Variants in IGSF9B observed in about 807,000 individuals in gnomAD.
IGSF9B encodes the protein immunoglobulin superfamily member 9B, also known as protein turtle homolog B.
In IGSF9B, 48 loss-of-function variants were observed where a neutral mutation model predicts 143.7. That is an observed-to-expected ratio of 0.33 (90% confidence interval 0.26 to 0.42). IGSF9B has a LOEUF of 0.42. IGSF9B is among the 20% of genes least tolerant of loss of function. The pLI is 1.00. For missense variants in IGSF9B, 1,706 were observed against 1,980.0 expected (o/e 0.86, Z 2.63); for synonymous variants, 903 against 833.1 (o/e 1.08, Z -1.44).
At chr11:133,918,046 C>T (rs1161513331) in intron 18 of IGSF9B, among the ~76,000 whole-genome samples, 2 of 16,050 alleles carry the variant, frequency 1.2e-4, no homozygotes, top group Non-Finnish European at 2.4e-4. Context: ...GACATGGGGA[C>T]GGGGGGTGGG....
At chr11:133,933,103 T>TA in intron 7 of IGSF9B, among the ~76,000 whole-genome samples, 2 of 152,222 alleles carry the variant, frequency 1.3e-5, no homozygotes, top group East Asian at 3.9e-4. Context: ...GCTCAGAACT[T>TA]CTGTTCTGAG....
At chr11:133,937,684 C>G in intron 4 of IGSF9B, 126 bp downstream of exon 4, 1 of 1,258,662 alleles carries the variant, frequency 7.9e-7, no homozygotes, top group Non-Finnish European at 1.1e-6. Flanking sequence ...GCAGCTGAGC[C>G]AGGCTACGGC....
At position 133,898,173 on chromosome 11, in the gene IGSF9B, T is replaced by C. The variant is rs1355979126; in HGVS notation, c.*10896A>G. On this transcript the variant is annotated 3_prime_UTR_variant, in exon 20 of 20. Coordinates refer to ENST00000533871, the MANE Select transcript of IGSF9B (RefSeq NM_001277285.4). ...ACGGTCTTCACAGGAAGACCTGGCA[T>C]GGATCGGGGGTCGCCCCCAAAGAAA... 6.6e-6 allele frequency: 1 copy of C among 152,192 alleles called. No individual in the cohort carries two copies. The highest frequency in any genetic ancestry group is 1.5e-5 in the Non-Finnish European group (1 of 68,040). The allele number at this position is 152,192 out of a possible 1,614,324, so 9.4% of individuals were successfully genotyped here.
chr11:133,942,681 C>T (rs1939973300), intron 3 of IGSF9B, among the ~76,000 whole-genome samples: 2 of 152,224 alleles, frequency 1.3e-5, no homozygotes, highest in African/African-American at 4.8e-5. Flanking sequence ...GCCTGGTGTT[C>T]ATCAAGGCGA....
intron 18 of IGSF9B, among the ~76,000 whole-genome samples, chr11:133,919,486 C>T (rs1042753757): frequency 6.6e-6 from 1 of 152,228 alleles, no homozygotes; most frequent in Non-Finnish European, 1.5e-5. Context: ...GGTGGTGCGC[C>T]CGCCGAGAGC....
chr11:133,952,483 G>A (rs771451775), intron 1 of IGSF9B, among the ~76,000 whole-genome samples: 1 of 152,112 alleles, frequency 6.6e-6, no homozygotes, highest in Non-Finnish European at 1.5e-5. Context: ...GAGAGGAGTG[G>A]CCCCCACCTC....
chr11:133,941,238 T>C (rs1214547607), intron 3 of IGSF9B, among the ~76,000 whole-genome samples: 1 of 152,216 alleles, frequency 6.6e-6, no homozygotes, highest in Non-Finnish European at 1.5e-5. Flanking sequence ...CTGTAATTAA[T>C]AGTGCAGGTT....
rs117256606 is a variant in IGSF9B, at chr11:133,902,448, G to C, written c.*6621C>G. Among the ~76,000 whole-genome samples the C allele has an allele frequency of 1.0e-4, 13 of 127,538 alleles. No individual in the cohort carries two copies. Among genetic ancestry groups the C allele is most frequent in the Non-Finnish European group, 1.5e-4 (9 of 61,336 alleles). 83.7% of individuals were successfully genotyped at this position (127,538 alleles called of 152,430 possible). On this transcript the variant is annotated 3_prime_UTR_variant, in exon 20 of 20. Coordinates refer to ENST00000533871, the MANE Select transcript of IGSF9B (RefSeq NM_001277285.4). The stretch of plus-strand genomic sequence containing the variant: ...CACACCACACCACACACACCACCCA[G>C]ACACACCACACACAGATACACACAC...
At chr11:133,919,271 T>C (rs1474565508) in intron 18 of IGSF9B, among the ~76,000 whole-genome samples, 1 of 151,834 alleles carries the variant, frequency 6.6e-6, no homozygotes, top group Non-Finnish European at 1.5e-5. Context: ...CCTGGCCTGG[T>C]GGTCTGGAGA....
chr11:133,918,148 C>T (rs1036145560), intron 18 of IGSF9B, among the ~76,000 whole-genome samples: 1 of 151,850 alleles, frequency 6.6e-6, no homozygotes, highest in Non-Finnish European at 1.5e-5. Context: ...GGCCACCCCA[C>T]GGGGCGGTGA....
chr11:133,934,740 C>T (rs1939791344), intron 7 of IGSF9B, among the ~76,000 whole-genome samples: 1 of 152,198 alleles, frequency 6.6e-6, no homozygotes, highest in Non-Finnish European at 1.5e-5. Context: ...CAGCCATCCT[C>T]CACTTGTCCT....
In IGSF9B at chr11:133,944,253, G is replaced by A. The variant is rs2121335615; in HGVS notation, c.376C>T (p.His126Tyr). ...LMLDQQYDTF[H>Y]NGSWVHLTIN... is the part of the protein sequence containing the mutation. ...GTGAGGTGGACCCAGCTGCCATTGT[G>A]GAAGGTGTCATACTGCTGGTCCAGC... The change falls in exon 3 of 20, where the codon CAC (histidine) becomes TAC (tyrosine). Residue 126 changes from histidine to tyrosine, a missense_variant. Transcript: ENST00000533871. 6.2e-7 allele frequency: 1 copy of A among 1,612,472 alleles called. No homozygotes were observed. The highest frequency in any genetic ancestry group is 1.1e-5 in the South Asian group (1 of 90,946).
Position 133,920,917 on chromosome 11 carries a change from CCCGCG to C in IGSF9B, c.2803_2807del (p.Arg935AlafsTer102). ...CTTCCAGGCCACCGGGGCCCTCCAGCCCGCGGGGCTGGAACCGAGGGCTGTATGCT... is the reference window on the plus strand; with the variant it reads ...CTTCCAGGCCACCGGGGCCCTCCAGCGGGCTGGAACCGAGGGCTGTATGCT... On this transcript the variant is annotated frameshift_variant, in exon 18 of 20. Coordinates refer to ENST00000533871, the MANE Select transcript of IGSF9B (RefSeq NM_001277285.4). LOFTEE classifies it high-confidence loss of function. 1 of 1,609,366 alleles carries C rather than the reference CCCGCG, an allele frequency of 6.2e-7. No individual in the cohort carries two copies. The highest frequency in any genetic ancestry group is 1.1e-5 in the South Asian group (1 of 90,976).
chr11:133,941,440 A>G (rs1381140573), intron 3 of IGSF9B, among the ~76,000 whole-genome samples: 1 of 152,252 alleles, frequency 6.6e-6, no homozygotes, highest in Non-Finnish European at 1.5e-5. Context: ...CATTTTCCAA[A>G]GGTGATCCCC....
At position 133,927,030 on chromosome 11, in the gene IGSF9B, T is replaced by C. The variant is rs1322004093; in HGVS notation, c.1693A>G (p.Ser565Gly). Residue 565 changes from serine to glycine, a missense_variant, in exon 13 of 20, where the codon AGC becomes GGC. Around this residue, in one of 7 missense-constraint regions of IGSF9B, gnomAD observed 267 missense variants for 321.1 expected, o/e 0.83. Transcript: ENST00000533871. ...TCCAGGGTGTCCACCAGCAGCCAGC[T>C]GGGTCCTGGCGGCACTGGCAAGGAC... ...WLSLPVPPGPSWLLVDTLEPE... is the reference protein window; with the variant it reads ...WLSLPVPPGPGWLLVDTLEPE... The C allele has an allele frequency of 6.4e-7, 1 of 1,568,652 alleles. No individual in the cohort carries two copies. The highest frequency in any genetic ancestry group is 1.9e-5 in the Admixed American group (1 of 53,388).
rs1330249415 is a variant in IGSF9B, at chr11:133,896,724, G to A, written c.*12345C>T. 1 of 152,230 alleles carries A rather than the reference G, an allele frequency of 6.6e-6. No homozygotes were observed. The highest frequency in any genetic ancestry group is 1.5e-5 in the Non-Finnish European group (1 of 68,052). The allele number at this position is 152,230 out of a possible 1,614,324, so 9.4% of individuals were successfully genotyped here. ...AGCAAGCCTGGAAATACCAGCGAGT[G>A]GAGCCTGGCGTGGTAGCCTGAGCTG... is the stretch of plus-strand genomic sequence containing the variant. On this transcript the variant is annotated 3_prime_UTR_variant, in exon 20 of 20. Coordinates refer to ENST00000533871, the MANE Select transcript of IGSF9B (RefSeq NM_001277285.4).
chr11:133,912,180 G>A lies in IGSF9B; in HGVS notation c.3984-173C>T, dbSNP rs199881099. Reference sequence around the variant, plus strand: ...CCCGCCTTTCTATTGCTCCTGGAAAGAAGAAAACCCAGTAGAAAGCTCCAG... The same window carrying A: ...CCCGCCTTTCTATTGCTCCTGGAAAAAAGAAAACCCAGTAGAAAGCTCCAG... On this transcript the variant is annotated intron_variant, in intron 18 of 19. Coordinates refer to ENST00000533871, the MANE Select transcript of IGSF9B (RefSeq NM_001277285.4). The A allele has an allele frequency of 1.5e-4, 125 of 814,920 alleles. 1 individual carries two copies. The East Asian group carries it at 3.3e-3, about 22-fold the overall frequency. 50.5% of individuals were successfully genotyped at this position (814,920 alleles called of 1,614,324 possible).
chr11:133,925,129 T>C (rs114757032), intron 14 of IGSF9B, among the ~76,000 whole-genome samples: 113 of 152,130 alleles, frequency 7.4e-4, no homozygotes, highest in African/African-American at 2.6e-3. Flanking sequence ...ACCGAAAGCG[T>C]TGGGAAGAGA....
intron 7 of IGSF9B, among the ~76,000 whole-genome samples, chr11:133,933,225 T>C (rs1277090051): frequency 6.6e-6 from 1 of 152,292 alleles, no homozygotes; most frequent in Non-Finnish European, 1.5e-5. Context: ...TGTCCATTTC[T>C]CTCTGTTCCT....
Sources: gnomAD v4.1 joint callset for allele counts (sites outside exome capture counted in the v4.1 genomes callset) on GRCh38, gnomAD v4.1.1 for gene constraint, gnomAD v4.1.1 regional missense constraint, MANE v1.5 for transcripts, NCBI Gene and HGNC (gene_info 2026-07-23, HGNC 2026-07-21) for gene names.